Variants in TRIM38 observed in about 807,000 individuals in gnomAD.
TRIM38 encodes the protein tripartite motif containing 38.
Under a neutral mutation model 35.8 loss-of-function variants are expected in TRIM38, and 35 were observed. The observed-to-expected ratio is 0.98, with a 90% CI of 0.75 to 1.30. The LOEUF is 1.30. Among genes scored for constraint, TRIM38 ranks in the 50% most tolerant of loss-of-function variants. The pLI is 0.00. For missense variants in TRIM38, 545 were observed against 556.9 expected (o/e 0.98, Z 0.21); for synonymous variants, 198 against 204.7 (o/e 0.97, Z 0.28).
intron 2 of TRIM38, among the ~76,000 whole-genome samples, chr6:25,966,080 GA>G (rs1404399914): frequency 6.6e-6 from 1 of 152,122 alleles, no homozygotes; most frequent in Non-Finnish European, 1.5e-5. Context: ...TTTTGTTCCT[GA>G]CTGGCTGCCT....
At chr6:25,969,173 T>G (rs1392565269) in intron 3 of TRIM38, 152 bp from the exon 4 acceptor site, 1 of 590,920 alleles carries the variant, frequency 1.7e-6, no homozygotes, top group Non-Finnish European at 3.0e-6. Context: ...TTCCTGCACA[T>G]ATAGCCTTTA....
chr6:25,979,614 T>C (rs1760489275), intron 7 of TRIM38, among the ~76,000 whole-genome samples: 3 of 152,088 alleles, frequency 2.0e-5, no homozygotes, highest in Admixed American at 2.0e-4. Context: ...ATGTCTATTT[T>C]ATTAAATTTC....
At chr6:25,963,918 A>G (rs531522083) in intron 2 of TRIM38, among the ~76,000 whole-genome samples, 6 of 151,592 alleles carry the variant, frequency 4.0e-5, no homozygotes, top group Non-Finnish European at 5.9e-5. Context: ...AAGCAAAAAC[A>G]ACAACAACAA....
rs939493331 is a variant in TRIM38, at chr6:25,966,348, C to T, written c.-175C>T. On this transcript the variant is annotated 5_prime_UTR_variant, in exon 3 of 8. Transcript: ENST00000357085. The stretch of plus-strand genomic sequence containing the variant: ...TCTTCCTTTTAGGTCCTCTTTTCTT[C>T]AATACAAAATGAGATAATAGGGGTT... 4 of 643,852 alleles carry T rather than the reference C, an allele frequency of 6.2e-6. No homozygotes were observed. The African/African-American group carries it at 7.3e-5, about 12-fold the overall frequency. 39.9% of individuals were successfully genotyped at this position (643,852 alleles called of 1,614,324 possible). A position where few individuals can be genotyped will look rare whatever the true frequency, so the allele number is the denominator to read the frequency against.
At chr6:25,982,448 CA>C (rs1561902937) in intron 7 of TRIM38, among the ~76,000 whole-genome samples, 1 of 152,174 alleles carries the variant, frequency 6.6e-6, no homozygotes, top group Non-Finnish European at 1.5e-5. Context: ...AGGGCCTTTG[CA>C]GCCTCCAATC....
At chr6:25,973,329 C>A (rs374620851) in intron 7 of TRIM38, 44 bp downstream of exon 7, 18 of 1,591,382 alleles carry the variant, frequency 1.1e-5, no homozygotes, top group South Asian at 5.6e-5. Context: ...ATAGAAGGGG[C>A]CTTATGCAGT....
intron 4 of TRIM38, among the ~76,000 whole-genome samples, chr6:25,970,733 A>T (rs1369318677): frequency 6.6e-6 from 1 of 152,176 alleles, no homozygotes; most frequent in Non-Finnish European, 1.5e-5. Flanking sequence ...CACTGTATGA[A>T]TTTATTTTTA....
rs1014639909 is a variant in TRIM38 at position 25,985,269 on chromosome 6, T to G, written c.*1582T>G. 7.9e-6 allele frequency: 1 copy of G among 126,530 alleles called. No homozygotes were observed. The highest frequency in any genetic ancestry group is 2.2e-4 in the East Asian group (1 of 4,482). 7.8% of individuals were successfully genotyped at this position (126,530 alleles called of 1,614,324 possible). ...CTTTAGACTCTTATCAGCCTGGACATAGCACCAGAGAAGTCTTTTTTTTTA... is the reference window on the plus strand; with the variant it reads ...CTTTAGACTCTTATCAGCCTGGACAGAGCACCAGAGAAGTCTTTTTTTTTA... On this transcript the variant is annotated 3_prime_UTR_variant, in exon 8 of 8. Coordinates refer to ENST00000357085, the MANE Select transcript of TRIM38 (RefSeq NM_006355.5).
intron 7 of TRIM38, among the ~76,000 whole-genome samples, chr6:25,980,949 A>G (rs1398353163): frequency 6.6e-6 from 1 of 152,192 alleles, no homozygotes; most frequent in Non-Finnish European, 1.5e-5. Context: ...TTCCTGGGTC[A>G]TTCAGGTAAT....
At chr6:25,974,697 A>T (rs1760338688) in intron 7 of TRIM38, among the ~76,000 whole-genome samples, 1 of 152,270 alleles carries the variant, frequency 6.6e-6, no homozygotes, top group South Asian at 2.1e-4. Flanking sequence ...GAATTTGATT[A>T]CAGGGCTCTG....
At chr6:25,969,475 T>C (rs776121471) in intron 4 of TRIM38, 55 bp downstream of exon 4, 57 of 1,410,720 alleles carry the variant, frequency 4.0e-5, no homozygotes, top group Non-Finnish European at 5.6e-5. Flanking sequence ...AGCTTAGGCA[T>C]AGGGGATGAT....
At chr6:25,973,910 G>T in intron 7 of TRIM38, 3 of 979,338 alleles carry the variant, frequency 3.1e-6, no homozygotes, top group Non-Finnish European at 3.6e-6. Flanking sequence ...ATTTGTATCC[G>T]TAAGTACAAA....
At chr6:25,965,145 G>A (rs1759983631) in intron 2 of TRIM38, among the ~76,000 whole-genome samples, 2 of 152,112 alleles carry the variant, frequency 1.3e-5, no homozygotes, top group Non-Finnish European at 1.5e-5. Flanking sequence ...AACTAGAATA[G>A]GAAAGAGTTT....
chr6:25,963,833 G>T (rs1759928233), intron 2 of TRIM38, among the ~76,000 whole-genome samples: 1 of 152,120 alleles, frequency 6.6e-6, no homozygotes. Flanking sequence ...GTCCCACTTA[G>T]GCACCCCTCT....
Position 25,987,599 on chromosome 6 carries a change from T to G in TRIM38, c.*3912T>G, listed in dbSNP as rs1405344742. 6.6e-6 allele frequency: 1 copy of G among 152,162 alleles called. No homozygotes were observed. The highest frequency in any genetic ancestry group is 6.5e-5 in the Admixed American group (1 of 15,284). The allele number at this position is 152,162 out of a possible 1,614,324, so 9.4% of individuals were successfully genotyped here. On this transcript the variant is annotated 3_prime_UTR_variant, in exon 8 of 8. Coordinates refer to ENST00000357085, the MANE Select transcript of TRIM38 (RefSeq NM_006355.5). ...ATTGTGGGAAACACAAACATTTACT[T>G]CAACTGTAACTATTGAAGCAAAAAT...
rs773528724 is a variant in TRIM38 at position 25,983,571 on chromosome 6, G to A, written c.1282G>A (p.Gly428Arg). The change falls in exon 8 of 8, where the codon GGG becomes AGG. Residue 428 changes from glycine (G) to arginine (R), a missense_variant. Transcript: ENST00000357085. ...YEAGVVSFYN[G>R]NTGCHIFTFP... ...GGCCGGAGTTGTATCCTTTTATAAC[G>A]GGAATACTGGCTGCCACATCTTTAC... 3.7e-6 allele frequency: 6 copies of A among 1,613,958 alleles called. No individual in the cohort carries two copies. The highest frequency in any genetic ancestry group is 3.4e-6 in the Non-Finnish European group (4 of 1,180,012).
chr6:25,974,286 G>A lies in TRIM38; in HGVS notation c.874+1001G>A, dbSNP rs558366752. Reference sequence around the variant, plus strand: ...TGGCCCTGGTTATTTCTGGCTGTTGGCTGGAGGTTGCCCACAGCTTCTACA... The same window carrying A: ...TGGCCCTGGTTATTTCTGGCTGTTGACTGGAGGTTGCCCACAGCTTCTACA... On this transcript the variant is annotated intron_variant, in intron 7 of 7. Transcript: ENST00000357085. Among the ~76,000 whole-genome samples the A allele has an allele frequency of 2.0e-5, 3 of 152,276 alleles. No individual in the cohort carries two copies. The South Asian group carries it at 6.2e-4, about 32-fold the overall frequency.
At chr6:25,969,685 T>C (rs1372931627) in intron 4 of TRIM38, among the ~76,000 whole-genome samples, 10 of 152,202 alleles carry the variant, frequency 6.6e-5, no homozygotes, top group Admixed American at 6.5e-4. Flanking sequence ...TTAGTATGAC[T>C]ATTTACCTAG....
chr6:25,969,723 T>C (rs1202062113), intron 4 of TRIM38, among the ~76,000 whole-genome samples: 4 of 152,098 alleles, frequency 2.6e-5, no homozygotes, highest in Non-Finnish European at 5.9e-5. Context: ...TCTCAAACTT[T>C]AAATACGTCA....
Sources: allele counts gnomAD v4.1 joint callset (sites outside exome capture counted in the v4.1 genomes callset), GRCh38; gene constraint gnomAD v4.1.1; transcripts MANE v1.5; gene names NCBI Gene and HGNC (gene_info 2026-07-23, HGNC 2026-07-21).